The following TNS3 variants were observed in gnomAD, a reference collection of about 807,000 sequenced individuals.
TNS3 encodes the protein tensin 3.
In TNS3, 45 loss-of-function variants were observed where a neutral mutation model predicts 140.9. That is an observed-to-expected ratio of 0.32 (90% CI 0.25 to 0.41). TNS3 has a LOEUF of 0.41. Among genes scored for constraint, TNS3 ranks in the 10% least tolerant of loss-of-function variants. TNS3 has a pLI of 1.00. For synonymous variants in TNS3, 815 were observed against 788.4 expected (o/e 1.03, Z -0.56); for missense variants, 1,716 against 1,906.7 (o/e 0.90, Z 1.86).
chr7:47,550,630 T>G (rs1003027654), intron 1 of TNS3, among the ~76,000 whole-genome samples: 1 of 152,132 alleles, frequency 6.6e-6, no homozygotes, highest in African/African-American at 2.4e-5. Context: ...TGGTCAATTC[T>G]CCTTCAAGGA....
intron 16 of TNS3, among the ~76,000 whole-genome samples, chr7:47,386,807 C>T (rs1792101397): frequency 6.6e-6 from 1 of 152,242 alleles, no homozygotes; most frequent in African/African-American, 2.4e-5. Flanking sequence ...GCTCGCTTTT[C>T]TTACATAACA....
intron 1 of TNS3, among the ~76,000 whole-genome samples, chr7:47,570,456 A>G (rs1800526670): frequency 1.3e-5 from 2 of 152,242 alleles, no homozygotes. Flanking sequence ...CCAAGGAAAT[A>G]TCAGTAGGCT....
intron 3 of TNS3, among the ~76,000 whole-genome samples, chr7:47,498,691 G>A (rs552967577): frequency 5.9e-5 from 9 of 152,228 alleles, no homozygotes; most frequent in South Asian, 4.1e-4. Context: ...CACTTATGCC[G>A]CACTAAAAAA....
At chr7:47,309,040 C>T (rs1377221555) in intron 20 of TNS3, among the ~76,000 whole-genome samples, 2 of 152,194 alleles carry the variant, frequency 1.3e-5, no homozygotes, top group African/African-American at 2.4e-5. Context: ...GCGTGAGTTT[C>T]CTCTCCCTGC....
chr7:47,478,801 A>G (rs906430526), intron 4 of TNS3, among the ~76,000 whole-genome samples: 2 of 152,150 alleles, frequency 1.3e-5, no homozygotes, highest in African/African-American at 4.8e-5. Context: ...TATAACAATT[A>G]CATGTATAAC....
At chr7:47,383,827 G>A (rs1339862896) in intron 16 of TNS3, among the ~76,000 whole-genome samples, 1 of 152,082 alleles carries the variant, frequency 6.6e-6, no homozygotes, top group African/African-American at 2.4e-5. Flanking sequence ...ATCACATGCT[G>A]CACCCTCTAG....
intron 2 of TNS3, among the ~76,000 whole-genome samples, chr7:47,525,957 G>T (rs1448819978): frequency 6.6e-6 from 1 of 152,204 alleles, no homozygotes; most frequent in East Asian, 1.9e-4. Flanking sequence ...GTGTGCAACT[G>T]CAGGACAGAG....
At position 47,294,642 on chromosome 7, in the gene TNS3, C is replaced by T. The variant is rs376924184; in HGVS notation, c.3677-814G>A. ...GTTGGAAACCTCCTGGCAGCAAGAT[C>T]CACTGGAGTTGGGCTTGGTCCCCAG... is the stretch of plus-strand genomic sequence containing the variant. On this transcript the variant is annotated intron_variant, in intron 24 of 30. Coordinates refer to ENST00000311160, the MANE Select transcript of TNS3 (RefSeq NM_022748.12). Among the ~76,000 whole-genome samples the T allele has an allele frequency of 3.3e-5, 5 of 152,218 alleles. No homozygotes were observed. In the East Asian group the frequency reaches 7.7e-4, roughly 23 times the overall value.
intron 2 of TNS3, among the ~76,000 whole-genome samples, chr7:47,521,400 G>A (rs780964953): frequency 3.9e-5 from 6 of 152,198 alleles, no homozygotes; most frequent in Non-Finnish European, 8.8e-5. Context: ...GCTGGTGAGG[G>A]TTCACCCTGC....
intron 12 of TNS3, among the ~76,000 whole-genome samples, chr7:47,413,008 C>T (rs1271723363): frequency 6.6e-6 from 1 of 151,920 alleles, no homozygotes; most frequent in African/African-American, 2.4e-5. Context: ...GGCTGGAGTG[C>T]CATGGCACAA....
Position 47,439,670 on chromosome 7 carries a change from C to T in TNS3, c.-22-12G>A, listed in dbSNP as rs779735725. On this transcript the variant is annotated splice_polypyrimidine_tract_variant and intron_variant, in intron 5 of 30. Transcript: ENST00000311160. ...TCAGGATGACGGGCCTGCGAGAGAG[C>T]AGTGGGCAGATCAGAAACAGGGTAA... 3.1e-6 allele frequency: 5 copies of T among 1,612,894 alleles called. No homozygotes were observed. Among genetic ancestry groups the T allele is most frequent in the Non-Finnish European group, 4.2e-6 (5 of 1,179,534 alleles).
chr7:47,564,646 AAAAC>A (rs1432770991), intron 1 of TNS3, among the ~76,000 whole-genome samples: 10 of 34,046 alleles, frequency 2.9e-4, no homozygotes, highest in African/African-American at 8.1e-4. Flanking sequence ...AAAAAAAAAA[AAAAC>A]AAAAAAAAAC....
chr7:47,436,106 C>A (rs1795169088), intron 7 of TNS3, among the ~76,000 whole-genome samples: 1 of 152,154 alleles, frequency 6.6e-6, no homozygotes, highest in Non-Finnish European at 1.5e-5. Flanking sequence ...TAGTGTAAGA[C>A]TGTTGGAAAT....
At chr7:47,357,898 C>G (rs1335149227) in intron 17 of TNS3, among the ~76,000 whole-genome samples, 1 of 152,194 alleles carries the variant, frequency 6.6e-6, no homozygotes, top group African/African-American at 2.4e-5. Flanking sequence ...CAACGAAGCC[C>G]TCCAACATGA....
At chr7:47,494,763 C>T (rs111561457) in intron 3 of TNS3, among the ~76,000 whole-genome samples, 4 of 151,842 alleles carry the variant, frequency 2.6e-5, no homozygotes, top group African/African-American at 9.7e-5. Flanking sequence ...GGAGAGAGGG[C>T]GCCCCGCGAG....
intron 4 of TNS3, among the ~76,000 whole-genome samples, chr7:47,457,239 G>T (rs1372568049): frequency 2.0e-5 from 3 of 151,302 alleles, no homozygotes; most frequent in Admixed American, 2.0e-4. Flanking sequence ...TTCCTGTGGC[G>T]TAAATACTGC....
chr7:47,393,237 T>C (rs1305070505), intron 16 of TNS3, among the ~76,000 whole-genome samples: 1 of 152,120 alleles, frequency 6.6e-6, no homozygotes, highest in Admixed American at 6.5e-5. Context: ...TTTTTGATAA[T>C]TTACATCTTC....
intron 4 of TNS3, 55 bp downstream of exon 4, chr7:47,481,048 G>A: frequency 7.9e-7 from 1 of 1,270,282 alleles, no homozygotes; most frequent in South Asian, 1.2e-5. Context: ...TTCAAGAAAG[G>A]ACTTAGTCCT....
Position 47,303,183 on chromosome 7 carries a change from G to A in TNS3, c.3224C>T (p.Pro1075Leu). ...TGGACTGTGGTGGCTGCTGTGTCCA[G>A]GCGCCACCGTGAGAAAGTTGTGGGA... ...FLSHNFLTVA[P>L]GHSSHHSPGL... The change falls in exon 22 of 31, where the codon CCT becomes CTT. Residue 1075 changes from proline to leucine, a missense_variant. Coordinates refer to ENST00000311160, the MANE Select transcript of TNS3 (RefSeq NM_022748.12). 6.2e-7 allele frequency: 1 copy of A among 1,613,564 alleles called. No individual in the cohort carries two copies. The highest frequency in any genetic ancestry group is 8.5e-7 in the Non-Finnish European group (1 of 1,180,004).
Sources: allele counts gnomAD v4.1 joint callset (sites outside exome capture counted in the v4.1 genomes callset), GRCh38; gene constraint gnomAD v4.1.1; transcripts MANE v1.5; gene names NCBI Gene and HGNC (gene_info 2026-07-23, HGNC 2026-07-21).